The following GRID2 variants were observed in gnomAD, a reference collection of about 807,000 sequenced individuals.
GRID2 encodes glutamate receptor ionotropic, delta-2.
A neutral mutation model predicts 114.8 loss-of-function variants in GRID2; 33 were observed. The observed-to-expected ratio is 0.29, with a 90% CI of 0.22 to 0.38. The LOEUF (loss-of-function observed/expected upper bound fraction) is 0.38. Among genes scored for constraint, GRID2 ranks in the 10% least tolerant of loss-of-function variants. GRID2 has a pLI of 1.00. For missense variants in GRID2, 1,184 were observed against 1,257.7 expected, an observed-to-expected ratio of 0.94 and a Z score of 0.89; for synonymous variants, 505 against 449.9, an observed-to-expected ratio of 1.12 and a Z score of -1.55.
intron 13 of GRID2, among the ~76,000 whole-genome samples, chr4:93,543,537 T>G (rs1732867846): frequency 6.6e-6 from 1 of 152,168 alleles, no homozygotes; most frequent in Non-Finnish European, 1.5e-5. Flanking sequence ...AAAATAAAAT[T>G]GCTGGAAATA....
At chr4:92,813,438 C>T (rs976893070) in intron 2 of GRID2, among the ~76,000 whole-genome samples, 2 of 152,194 alleles carry the variant, frequency 1.3e-5, no homozygotes, top group Middle Eastern at 3.4e-3. Context: ...ACCCTAACTC[C>T]GTATGCTGTG....
chr4:92,633,968 A>G (rs899114224), intron 2 of GRID2, among the ~76,000 whole-genome samples: 1 of 152,018 alleles, frequency 6.6e-6, no homozygotes, highest in African/African-American at 2.4e-5. Context: ...TGAAATAGAT[A>G]AGCACAAGTT....
chr4:93,290,970 C>T (rs918130596), intron 8 of GRID2, among the ~76,000 whole-genome samples: 11 of 150,628 alleles, frequency 7.3e-5, no homozygotes, highest in Admixed American at 4.6e-4. Context: ...CTCCGCCTCC[C>T]GGGTTCACGC....
chr4:93,091,234 T>C (rs1034073906), intron 3 of GRID2, among the ~76,000 whole-genome samples: 4 of 152,082 alleles, frequency 2.6e-5, no homozygotes, highest in Non-Finnish European at 4.4e-5. Context: ...TACCACCCGA[T>C]GTAATGAGTG....
intron 2 of GRID2, among the ~76,000 whole-genome samples, chr4:92,676,205 G>T (rs1483370595): frequency 1.3e-4 from 14 of 109,214 alleles, no homozygotes. Context: ...TGTTGAGACA[G>T]AGTCTCGCTC....
At chr4:92,718,466 T>C (rs1329648865) in intron 2 of GRID2, among the ~76,000 whole-genome samples, 2 of 152,018 alleles carry the variant, frequency 1.3e-5, no homozygotes, top group African/African-American at 2.4e-5. Flanking sequence ...TATAAAAGTA[T>C]ATATTTTTAA....
intron 4 of GRID2, among the ~76,000 whole-genome samples, chr4:93,116,523 T>C (rs191286926): frequency 6.6e-6 from 1 of 152,298 alleles, no homozygotes; most frequent in East Asian, 1.9e-4. Context: ...TCTTTGGGTA[T>C]GAAAATTCTA....
Position 92,457,822 on chromosome 4 carries a change from G to T in GRID2, c.89-132309G>T, listed in dbSNP as rs562058952. On this transcript the variant is annotated intron_variant, in intron 1 of 15. Transcript: ENST00000282020. ...CAGAATGTAATTGTGATGAATCTATGCCTGTCTGTTTGCAAGGATTTGTGT... is the reference window on the plus strand; with the variant it reads ...CAGAATGTAATTGTGATGAATCTATTCCTGTCTGTTTGCAAGGATTTGTGT... 2.0e-5 allele frequency among the ~76,000 whole-genome samples: 3 copies of T among 152,258 alleles called. No homozygotes were observed. The South Asian group carries it at 6.2e-4, about 32-fold the overall frequency.
chr4:93,745,651 A>G (rs796091631), intron 14 of GRID2, among the ~76,000 whole-genome samples: 2 of 152,284 alleles, frequency 1.3e-5, no homozygotes, highest in African/African-American at 4.8e-5. Context: ...TGCAAAACAT[A>G]GTTGAAGCCA....
At chr4:93,125,047 G>A (rs1439773564) in intron 4 of GRID2, among the ~76,000 whole-genome samples, 1 of 151,664 alleles carries the variant, frequency 6.6e-6, no homozygotes, top group Non-Finnish European at 1.5e-5. Context: ...TTTTTGTTTT[G>A]TTTTGTTTTT....
At chr4:92,621,498 A>G (rs1474975432) in intron 2 of GRID2, among the ~76,000 whole-genome samples, 3 of 151,808 alleles carry the variant, frequency 2.0e-5, no homozygotes, top group African/African-American at 4.8e-5. Context: ...TGCTTGGATC[A>G]GGTGTATAAA....
intron 2 of GRID2, among the ~76,000 whole-genome samples, chr4:92,707,009 C>T (rs1334727226): frequency 6.6e-6 from 1 of 152,100 alleles, no homozygotes; most frequent in Non-Finnish European, 1.5e-5. Context: ...CATAGGACCA[C>T]TTAATTTTAC....
intron 1 of GRID2, among the ~76,000 whole-genome samples, chr4:92,309,118 A>T (rs1725568170): frequency 6.6e-6 from 1 of 152,058 alleles, no homozygotes; most frequent in Admixed American, 6.5e-5. Flanking sequence ...ATTTTAAGCC[A>T]AATAGGAATA....
chr4:93,710,072 G>A (rs1560931569), intron 14 of GRID2, among the ~76,000 whole-genome samples: 1 of 152,130 alleles, frequency 6.6e-6, no homozygotes, highest in East Asian at 1.9e-4. Flanking sequence ...GGTCACTGGT[G>A]CCTTTTAGTC....
intron 2 of GRID2, among the ~76,000 whole-genome samples, chr4:92,759,650 G>A (rs1357544565): frequency 6.6e-6 from 1 of 151,922 alleles, no homozygotes; most frequent in African/African-American, 2.4e-5. Context: ...TGTTGCCCAG[G>A]CTGGAGTGCA....
intron 1 of GRID2, among the ~76,000 whole-genome samples, chr4:92,512,371 C>T (rs1006938563): frequency 6.6e-6 from 1 of 151,752 alleles, no homozygotes; most frequent in Non-Finnish European, 1.5e-5. Flanking sequence ...TCATTCAAGT[C>T]TCTCCTTTTA....
At chr4:93,369,717 G>A (rs1438635404) in intron 8 of GRID2, among the ~76,000 whole-genome samples, 2 of 152,126 alleles carry the variant, frequency 1.3e-5, no homozygotes, top group Non-Finnish European at 2.9e-5. Context: ...TAAAACTCCT[G>A]AGATCTAGCA....
chr4:93,258,141 C>T (rs1284585998), intron 8 of GRID2, among the ~76,000 whole-genome samples: 1 of 151,090 alleles, frequency 6.6e-6, no homozygotes, highest in African/African-American at 2.4e-5. Context: ...CTCATGGAAG[C>T]ATGTAATTCT....
chr4:92,999,028 T>C (rs1441678974), intron 2 of GRID2, among the ~76,000 whole-genome samples: 1 of 151,872 alleles, frequency 6.6e-6, no homozygotes, highest in Admixed American at 6.6e-5. Flanking sequence ...TCTTGGCTGG[T>C]CCTTATTGTA....
Sources: allele counts gnomAD v4.1 joint callset (sites outside exome capture counted in the v4.1 genomes callset), GRCh38; gene constraint gnomAD v4.1.1; transcripts MANE v1.5; gene names NCBI Gene and HGNC (gene_info 2026-07-23, HGNC 2026-07-21).